The following PHACTR1 variants were observed in gnomAD, a reference collection of about 807,000 sequenced individuals.
PHACTR1 encodes the protein RPEL repeat containing 1.
Under a neutral mutation model 69.2 loss-of-function variants are expected in PHACTR1, and 16 were observed. The observed-to-expected ratio is 0.23, with a 90% CI of 0.16 to 0.35. PHACTR1 has a LOEUF of 0.35. PHACTR1 is among the 10% of genes least tolerant of loss of function. PHACTR1 has a pLI of 1.00. For missense variants in PHACTR1, 510 were observed against 734.7 expected (o/e 0.69, Z 3.54); for synonymous variants, 312 against 284.5 (o/e 1.10, Z -0.97).
intron 3 of PHACTR1, among the ~76,000 whole-genome samples, chr6:12,732,866 C>T (rs980495513): frequency 6.6e-6 from 1 of 152,168 alleles, no homozygotes; most frequent in Non-Finnish European, 1.5e-5. Flanking sequence ...CCATGCTTTG[C>T]TTTTTCCCAA....
At chr6:12,904,627 C>A (rs1015352574) in intron 4 of PHACTR1, among the ~76,000 whole-genome samples, 1 of 152,176 alleles carries the variant, frequency 6.6e-6, no homozygotes, top group Middle Eastern at 3.4e-3. Flanking sequence ...AACCTTTCCA[C>A]CTTCATTTTC....
At chr6:13,171,691 T>A (rs978617158) in intron 6 of PHACTR1, among the ~76,000 whole-genome samples, 4 of 152,174 alleles carry the variant, frequency 2.6e-5, no homozygotes, top group Admixed American at 2.0e-4. Flanking sequence ...AATGCCCTAT[T>A]TGAGAGCCCA....
chr6:12,970,023 A>C (rs1793994077), intron 4 of PHACTR1, among the ~76,000 whole-genome samples: 1 of 152,166 alleles, frequency 6.6e-6, no homozygotes, highest in Non-Finnish European at 1.5e-5. Context: ...GTTACAATCC[A>C]CTTGTCTCTA....
intron 4 of PHACTR1, among the ~76,000 whole-genome samples, chr6:12,969,716 C>T (rs986347687): frequency 3.9e-5 from 6 of 152,160 alleles, no homozygotes; most frequent in African/African-American, 1.4e-4. Context: ...AATCCCAGCA[C>T]GTGGGGAGGC....
At chr6:13,105,444 A>C (rs761874762) in intron 5 of PHACTR1, among the ~76,000 whole-genome samples, 1 of 152,028 alleles carries the variant, frequency 6.6e-6, no homozygotes, top group Admixed American at 6.6e-5. Context: ...GGAGATACAC[A>C]TGCCCCAGTT....
intron 4 of PHACTR1, among the ~76,000 whole-genome samples, chr6:13,039,365 T>C (rs1803827506): frequency 6.6e-6 from 1 of 152,154 alleles, no homozygotes; most frequent in Admixed American, 6.5e-5. Flanking sequence ...ATATTTTCTA[T>C]TTGTAGGGTC....
At chr6:13,111,373 G>T (rs942820079) in intron 5 of PHACTR1, among the ~76,000 whole-genome samples, 3 of 152,006 alleles carry the variant, frequency 2.0e-5, no homozygotes, top group African/African-American at 7.2e-5. Flanking sequence ...TGCTATGCTT[G>T]AATTTGCATG....
chr6:13,271,684 ATTGTTTTTTGT>A (rs1269225295), intron 10 of PHACTR1, among the ~76,000 whole-genome samples: 4 of 151,582 alleles, frequency 2.6e-5, no homozygotes, highest in African/African-American at 9.7e-5. Flanking sequence ...ATTTTAGACT[ATTGTTTTTTGT>A]TTGTTTTTTT....
At chr6:13,128,866 C>A (rs1041946914) in intron 5 of PHACTR1, among the ~76,000 whole-genome samples, 7 of 152,050 alleles carry the variant, frequency 4.6e-5, no homozygotes, top group African/African-American at 1.7e-4. Flanking sequence ...TATCTAAAGT[C>A]AAGATGAAAG....
intron 4 of PHACTR1, among the ~76,000 whole-genome samples, chr6:12,792,464 C>CAAAAAAAAAAAAAAA (rs60942588): frequency 1.9e-4 from 6 of 31,362 alleles, no homozygotes; most frequent in African/African-American, 4.6e-4. Flanking sequence ...AACTCCATGT[C>CAAAAAAAAAAAAAAA]AAAAAAAAAA....
At position 13,074,526 on chromosome 6, in the gene PHACTR1, A is replaced by G. The variant is rs540179979; in HGVS notation, c.415+20997A>G. On this transcript the variant is annotated intron_variant, in intron 5 of 14. Transcript: ENST00000332995. ...GTAATTCATCAACCTGGCAAAGGATAGTAAGACAGGAAGAGCATTCCACAT... is the reference window on the plus strand; with the variant it reads ...GTAATTCATCAACCTGGCAAAGGATGGTAAGACAGGAAGAGCATTCCACAT... Among the ~76,000 whole-genome samples the G allele has an allele frequency of 3.3e-5, 5 of 152,346 alleles. No individual in the cohort carries two copies. The South Asian group carries it at 8.3e-4, about 25-fold the overall frequency.
intron 4 of PHACTR1, among the ~76,000 whole-genome samples, chr6:12,771,269 C>T (rs1769346832): frequency 6.6e-6 from 1 of 152,126 alleles, no homozygotes; most frequent in Non-Finnish European, 1.5e-5. Context: ...ACCTAGTAAA[C>T]AATGACCATG....
Position 13,032,654 on chromosome 6 carries a change from G to T in PHACTR1, c.251-20711G>T, listed in dbSNP as rs540141338. Among the ~76,000 whole-genome samples the T allele has an allele frequency of 5.3e-5, 8 of 151,408 alleles. 1 individual carries two copies. The East Asian group carries it at 1.4e-3, about 26-fold the overall frequency. ...TTTTTTTGACATGGGGTCTAGCTCT[G>T]TTGCCAGGCTGGAATGCAGTGGCAC... On this transcript the variant is annotated intron_variant, in intron 4 of 14. Coordinates refer to ENST00000332995, the MANE Select transcript of PHACTR1 (RefSeq NM_030948.6).
rs1761931459 is a variant in PHACTR1, at chr6:13,179,717, TAGATAGATAGATAGATAGA to T, written c.497-2801_497-2783del. On this transcript the variant is annotated intron_variant, in intron 6 of 14. Coordinates refer to ENST00000332995, the MANE Select transcript of PHACTR1 (RefSeq NM_030948.6). This position sits in a 1 kb window ranked among gnomAD's most constrained non-coding sequence, Gnocchi z 4.2. ...AAGTAGATAGAGATAGATAGATAGATAGATAGATAGATAGATAGATAGATAGATAGACAGAACAAGGTTA... is the reference window on the plus strand; with the variant it reads ...AAGTAGATAGAGATAGATAGATAGATTAGATAGATAGACAGAACAAGGTTA... 9.6e-6 allele frequency among the ~76,000 whole-genome samples: 1 copy of T among 104,180 alleles called. No homozygotes were observed. The highest frequency in any genetic ancestry group is 3.4e-4 in the East Asian group (1 of 2,984). 68.3% of individuals were successfully genotyped at this position (104,180 alleles called of 152,430 possible). A position where few individuals can be genotyped will look rare whatever the true frequency, so the allele number is the denominator to read the frequency against.
chr6:12,949,065 G>A (rs1582648740), intron 4 of PHACTR1, among the ~76,000 whole-genome samples: 2 of 152,226 alleles, frequency 1.3e-5, no homozygotes, highest in East Asian at 3.9e-4. Flanking sequence ...GAAGTCAGGA[G>A]TGAGAAGCCA....
intron 3 of PHACTR1, among the ~76,000 whole-genome samples, chr6:12,727,024 A>G (rs368746969): frequency 6.6e-6 from 1 of 151,810 alleles, no homozygotes; most frequent in African/African-American, 2.4e-5. Context: ...TTGTTGTTTT[A>G]TTTTGTTTTT....
At chr6:12,872,618 T>A (rs571140617) in intron 4 of PHACTR1, among the ~76,000 whole-genome samples, 1 of 152,248 alleles carries the variant, frequency 6.6e-6, no homozygotes, top group East Asian at 1.9e-4. Context: ...AAAGGAGAAA[T>A]CCCTATTATA....
rs189973857 is a variant in PHACTR1 at position 13,213,330 on chromosome 6, C to T, written c.986+7194C>T. On this transcript the variant is annotated intron_variant, in intron 8 of 14. Transcript: ENST00000332995. ...GGAATGCACTCTCTTACATCCTGTCCTCTACCACCCAGAGCAGCTTCTTTC... is the reference window on the plus strand; with the variant it reads ...GGAATGCACTCTCTTACATCCTGTCTTCTACCACCCAGAGCAGCTTCTTTC... 2.5e-3 allele frequency among the ~76,000 whole-genome samples: 376 copies of T among 152,264 alleles called. 5 individuals carry two copies. Among genetic ancestry groups the T allele is most frequent in the South Asian group, 0.011 (51 of 4,820 alleles).
At chr6:13,215,591 TAA>T (rs1396772986) in intron 8 of PHACTR1, among the ~76,000 whole-genome samples, 1 of 152,074 alleles carries the variant, frequency 6.6e-6, no homozygotes, top group African/African-American at 2.4e-5. Context: ...TAATCAGATA[TAA>T]GGAAGAACCC....
Sources: gnomAD v4.1 joint callset for allele counts (sites outside exome capture counted in the v4.1 genomes callset) on GRCh38, gnomAD v4.1.1 for gene constraint, Gnocchi (gnomAD v3.1) non-coding constraint, MANE v1.5 for transcripts, NCBI Gene and HGNC (gene_info 2026-07-23, HGNC 2026-07-21) for gene names.